Variants in IL1RAPL2 observed in about 807,000 individuals in gnomAD.
The protein encoded by IL1RAPL2 is X-linked interleukin-1 receptor accessory protein-like 2.
A neutral mutation model predicts 44.1 loss-of-function variants in IL1RAPL2; 3 were observed. The observed-to-expected ratio is 0.07, with a 90% CI of 0.03 to 0.18. The LOEUF is 0.18. Among genes scored for constraint, IL1RAPL2 ranks in the 10% least tolerant of loss-of-function variants. IL1RAPL2 has a pLI of 1.00. For synonymous variants in IL1RAPL2, 181 were observed against 178.8 expected (o/e 1.01, Z -0.10); for missense variants, 391 against 496.4 (o/e 0.79, Z 2.02).
intron 2 of IL1RAPL2, among the ~76,000 whole-genome samples, chrX:105,056,976 T>C (rs2032002637): frequency 9.0e-6 from 1 of 111,377 alleles, no homozygotes; most frequent in South Asian, 3.7e-4. Context: ...TCCTGCTCTG[T>C]AGAGTGAATA....
chrX:104,925,550 T>C (rs1253977347), intron 2 of IL1RAPL2, among the ~76,000 whole-genome samples: 1 of 112,154 alleles, frequency 8.9e-6, no homozygotes, highest in Non-Finnish European at 1.9e-5. Context: ...GTTCAACATA[T>C]GAAATCAATA....
rs782486899 is a variant in IL1RAPL2, at chrX:105,183,637, G to A, written c.83-11838G>A. Among the ~76,000 whole-genome samples, 14 of 111,673 alleles carry A rather than the reference G, an allele frequency of 1.3e-4. No homozygotes were observed. In the South Asian group the frequency reaches 4.6e-3, roughly 36 times the overall value. ...TCAGATAGGCAGCTCTCAGGTTTTA[G>A]GGAGCATGTGCTTTGGCTCTCTTTG... On this transcript the variant is annotated intron_variant, in intron 2 of 10. Transcript: ENST00000372582.
chrX:105,364,697 CAGAT>C (rs2035280068), intron 5 of IL1RAPL2, among the ~76,000 whole-genome samples: 1 of 111,095 alleles, frequency 9.0e-6, no homozygotes, highest in African/African-American at 3.3e-5. Flanking sequence ...TAAAAAAAAT[CAGAT>C]AGCTCATTGT....
At chrX:104,978,361 A>AT (rs759481589) in intron 2 of IL1RAPL2, among the ~76,000 whole-genome samples, 1 of 111,747 alleles carries the variant, frequency 8.9e-6, no homozygotes, top group East Asian at 2.8e-4. Context: ...GTTATGTCTC[A>AT]TGGGTGTTCA....
At chrX:105,091,329 T>C (rs1356336935) in intron 2 of IL1RAPL2, among the ~76,000 whole-genome samples, 1 of 112,237 alleles carries the variant, frequency 8.9e-6, no homozygotes. Flanking sequence ...GTCTGATTCA[T>C]CTGCCTTTTT....
intron 2 of IL1RAPL2, among the ~76,000 whole-genome samples, chrX:105,029,506 G>T (rs775986100): frequency 2.0e-5 from 2 of 102,267 alleles, no homozygotes; most frequent in South Asian, 4.7e-4. Flanking sequence ...CCAGTGTTTG[G>T]TTTTTTGTCC....
At chrX:104,609,462 T>C (rs1569280100) in intron 1 of IL1RAPL2, among the ~76,000 whole-genome samples, 1 of 112,187 alleles carries the variant, frequency 8.9e-6, no homozygotes, top group Non-Finnish European at 1.9e-5. Context: ...CTGGTTCCAT[T>C]CTCCTCATCA....
chrX:105,353,660 C>T (rs1053791534), intron 5 of IL1RAPL2, among the ~76,000 whole-genome samples: 3 of 111,161 alleles, frequency 2.7e-5, no homozygotes, highest in South Asian at 3.8e-4. Context: ...CCCTTGTAAG[C>T]TGGATTCCTA....
At chrX:105,230,720 G>A (rs932434919) in intron 3 of IL1RAPL2, among the ~76,000 whole-genome samples, 11 of 110,477 alleles carry the variant, frequency 1.0e-4, no homozygotes, top group Non-Finnish European at 1.7e-4. Context: ...ATAATGAAAG[G>A]AAATCCTTCC....
intron 6 of IL1RAPL2, among the ~76,000 whole-genome samples, chrX:105,571,241 T>C (rs2037012458): frequency 9.0e-6 from 1 of 111,391 alleles, no homozygotes; most frequent in African/African-American, 3.3e-5. Context: ...GACATATACA[T>C]ATGGATATCT....
chrX:104,974,630 G>C (rs755465497), intron 2 of IL1RAPL2, among the ~76,000 whole-genome samples: 33 of 112,227 alleles, frequency 2.9e-4, no homozygotes, highest in Admixed American at 2.5e-3. Flanking sequence ...GAAGCTGGGG[G>C]AACTGCAGTG....
intron 6 of IL1RAPL2, among the ~76,000 whole-genome samples, chrX:105,669,034 G>T (rs1275535629): frequency 9.0e-6 from 1 of 111,522 alleles, no homozygotes; most frequent in Admixed American, 9.5e-5. Flanking sequence ...GTTAAAGAGG[G>T]TGGAAGGATC....
chrX:105,542,413 C>A (rs1328363309), intron 6 of IL1RAPL2, among the ~76,000 whole-genome samples: 4 of 111,756 alleles, frequency 3.6e-5, no homozygotes, highest in Non-Finnish European at 7.5e-5. Flanking sequence ...CTTCAAAGAA[C>A]GTAGAATAAA....
At chrX:104,971,287 G>A (rs941439167) in intron 2 of IL1RAPL2, among the ~76,000 whole-genome samples, 7 of 111,488 alleles carry the variant, frequency 6.3e-5, no homozygotes, top group Non-Finnish European at 1.3e-4. Context: ...GGCAGAGGTT[G>A]CAGTGAGCCG....
chrX:104,967,088 G>A (rs1390872076), intron 2 of IL1RAPL2, among the ~76,000 whole-genome samples: 6 of 111,789 alleles, frequency 5.4e-5, no homozygotes, highest in Admixed American at 1.9e-4. Flanking sequence ...AAAATCTTGC[G>A]TGTAGTAATT....
intron 5 of IL1RAPL2, among the ~76,000 whole-genome samples, chrX:105,296,518 G>GT (rs1278996263): frequency 8.9e-6 from 1 of 112,517 alleles, no homozygotes; most frequent in African/African-American, 3.2e-5. Flanking sequence ...AAGGTAGATG[G>GT]TCACTATGCA....
intron 2 of IL1RAPL2, among the ~76,000 whole-genome samples, chrX:105,145,475 T>C (rs1744946523): frequency 9.0e-6 from 1 of 111,343 alleles, no homozygotes; most frequent in South Asian, 3.8e-4. Flanking sequence ...ACTGTCAGAG[T>C]TGAGATTATT....
Position 104,620,812 on chromosome X carries a change from C to T in IL1RAPL2, c.-19-38083C>T, listed in dbSNP as rs1350576222. Among the ~76,000 whole-genome samples the T allele has an allele frequency of 3.8e-5, 4 of 106,278 alleles. No individual in the cohort carries two copies. The East Asian group carries it at 1.2e-3, about 31-fold the overall frequency. The allele number at this position is 106,278 out of a possible 115,157, so 92.3% of individuals were successfully genotyped here. A position where few individuals can be genotyped will look rare whatever the true frequency, so the allele number is the denominator to read the frequency against. On this transcript the variant is annotated intron_variant, in intron 1 of 10. Coordinates refer to ENST00000372582, the MANE Select transcript of IL1RAPL2 (RefSeq NM_017416.2). ...GATATGGAGTAGTCCATTTGTGTTC[C>T]ATGAAACTTTTGAAACCAGCTGATT...
intron 2 of IL1RAPL2, among the ~76,000 whole-genome samples, chrX:104,732,567 C>T (rs1043713383): frequency 5.4e-5 from 6 of 110,979 alleles, no homozygotes; most frequent in Non-Finnish European, 9.4e-5. Context: ...ATTAAAAGTG[C>T]CTCAAGGAAG....
Sources: gnomAD v4.1 joint callset for allele counts (sites outside exome capture counted in the v4.1 genomes callset) on GRCh38, gnomAD v4.1.1 for gene constraint, MANE v1.5 for transcripts, NCBI Gene and HGNC (gene_info 2026-07-23, HGNC 2026-07-21) for gene names.